Variants in MED13L observed in about 807,000 individuals in gnomAD.
The protein encoded by MED13L is mediator of RNA polymerase II transcription subunit 13-like.
A neutral mutation model predicts 220.9 loss-of-function variants in MED13L; 7 were observed. The observed-to-expected ratio is 0.03, with a 90% CI of 0.02 to 0.06. The LOEUF (loss-of-function observed/expected upper bound fraction) is 0.06, where lower values mean the gene tolerates loss of function less well. MED13L is among the 10% of genes least tolerant of loss of function. The pLI, the probability that MED13L is intolerant of heterozygous loss-of-function variation, is 1.00. For missense variants in MED13L, 1,965 were observed against 2,760.5 expected, an observed-to-expected ratio of 0.71 and a Z score of 6.46; for synonymous variants, 1,011 against 1,015.2, an observed-to-expected ratio of 1.00 and a Z score of 0.08.
chr12:116,070,342 G>A (rs1870270790), intron 4 of MED13L, among the ~76,000 whole-genome samples: 1 of 152,114 alleles, frequency 6.6e-6, no homozygotes, highest in African/African-American at 2.4e-5. Context: ...ATCTCTCAAG[G>A]TTGTTAGGAG....
intron 2 of MED13L, among the ~76,000 whole-genome samples, chr12:116,140,347 T>C (rs1377696081): frequency 6.6e-6 from 1 of 152,232 alleles, no homozygotes; most frequent in Non-Finnish European, 1.5e-5. Context: ...AAAATGTGTG[T>C]CCTGGGATAC....
At chr12:116,152,112 A>G (rs1878084573) in intron 2 of MED13L, among the ~76,000 whole-genome samples, 1 of 152,184 alleles carries the variant, frequency 6.6e-6, no homozygotes, top group African/African-American at 2.4e-5. Flanking sequence ...TGTTTCATAC[A>G]GGTTCTCTCT....
At chr12:116,065,395 TAA>T (rs1310884637) in intron 4 of MED13L, among the ~76,000 whole-genome samples, 4 of 151,960 alleles carry the variant, frequency 2.6e-5, no homozygotes, top group Non-Finnish European at 5.9e-5. Flanking sequence ...ATGGCAAAAA[TAA>T]AGAAAAGTAT....
In MED13L at chr12:115,960,500, T is replaced by C. The variant is rs1159470391; in HGVS notation, c.*766A>G. 1.3e-5 allele frequency: 2 copies of C among 152,538 alleles called. No homozygotes were observed. Among genetic ancestry groups the C allele is most frequent in the African/African-American group, 4.8e-5 (2 of 41,446 alleles). 9.4% of individuals were successfully genotyped at this position (152,538 alleles called of 1,614,324 possible). On this transcript the variant is annotated 3_prime_UTR_variant, in exon 31 of 31. Coordinates refer to ENST00000281928, the MANE Select transcript of MED13L (RefSeq NM_015335.5). ...GTTTTGAATATATTACTTTTAGGCA[T>C]GATCTCCCCAATGTGTTTTTACTCC...
intron 2 of MED13L, among the ~76,000 whole-genome samples, chr12:116,171,644 C>T (rs2138185103): frequency 6.6e-6 from 1 of 152,290 alleles, no homozygotes; most frequent in Middle Eastern, 3.4e-3. Flanking sequence ...GAGCACAACA[C>T]TCCAGATATC....
In MED13L at chr12:116,124,216, T is replaced by C. The variant is rs544476792; in HGVS notation, c.311-12704A>G. ...AGACTGACTGACTACTGTGAAGACT[T>C]GGTGCACAAAGGTTTCTTTAGACCA... On this transcript the variant is annotated intron_variant, in intron 2 of 30. Coordinates refer to ENST00000281928, the MANE Select transcript of MED13L (RefSeq NM_015335.5). Among the ~76,000 whole-genome samples, 398 of 139,962 alleles carry C rather than the reference T, an allele frequency of 2.8e-3. 2 individuals carry two copies. Among genetic ancestry groups the C allele is most frequent in the African/African-American group, 9.8e-3 (390 of 39,670 alleles). 91.8% of individuals were successfully genotyped at this position (139,962 alleles called of 152,430 possible). A position where few individuals can be genotyped will look rare whatever the true frequency, so the allele number is the denominator to read the frequency against.
Position 115,961,288 on chromosome 12 carries a change from T to A in MED13L, c.6611A>T (p.Asn2204Ile). ...CAATTAAAGTATATTCATGATGGCA[T>A]TGTACAACTGAGTGAGCACCACAAA... Reference protein sequence around the residue: ...VHFVVLTQLYNAIMNIL With the variant: ...VHFVVLTQLYIAIMNIL Residue 2204 changes from asparagine (N) to isoleucine (I), a missense_variant, in exon 31 of 31, where the codon AAT becomes ATT. Around this residue, in one of 10 missense-constraint regions of MED13L, gnomAD observed 145 missense variants for 328.3 expected, o/e 0.44. Coordinates refer to ENST00000281928, the MANE Select transcript of MED13L (RefSeq NM_015335.5). 1 of 1,614,166 alleles carries A rather than the reference T, an allele frequency of 6.2e-7. No homozygotes were observed. Among genetic ancestry groups the A allele is most frequent in the South Asian group, 1.1e-5 (1 of 91,074 alleles).
intron 3 of MED13L, among the ~76,000 whole-genome samples, chr12:116,097,514 G>A (rs1872720030): frequency 1.3e-5 from 2 of 151,970 alleles, no homozygotes; most frequent in African/African-American, 4.8e-5. Flanking sequence ...CATGTGATAG[G>A]CAATACTTTT....
intron 23 of MED13L, among the ~76,000 whole-genome samples, chr12:115,979,594 C>T (rs1450756840): frequency 6.6e-6 from 1 of 152,226 alleles, no homozygotes; most frequent in Non-Finnish European, 1.5e-5. Context: ...ACAGTGTTAA[C>T]TACTTGCATC....
rs1873967410 is a variant in MED13L, at chr12:116,277,372, A to ACCGCCT, written c.-247_-242dup. 1 of 5,388 alleles carries ACCGCCT rather than the reference A, an allele frequency of 1.9e-4. No individual in the cohort carries two copies. The highest frequency in any genetic ancestry group is 3.4e-4 in the Non-Finnish European group (1 of 2,960). The allele number at this position is 5,388 out of a possible 1,614,324, so 0.3% of individuals were successfully genotyped here. ...CCCGGGCCGGCGCTGCGGGCCGGCC[A>ACCGCCT]CCGCCTCCGCCTTCCCTGCTCCTCA... On this transcript the variant is annotated 5_prime_UTR_variant, in exon 1 of 31. Transcript: ENST00000281928.
At chr12:116,276,128 A>T (rs1022073984) in intron 1 of MED13L, among the ~76,000 whole-genome samples, 1 of 152,192 alleles carries the variant, frequency 6.6e-6, no homozygotes, top group African/African-American at 2.4e-5. Context: ...AATTTCGATG[A>T]ATCTAGACAC....
chr12:116,015,327 T>G, intron 7 of MED13L, 53 bp from the exon 8 acceptor site: 1 of 1,554,652 alleles, frequency 6.4e-7, no homozygotes, highest in South Asian at 1.1e-5. Flanking sequence ...GGTTTCCTAC[T>G]TCATAGACTG....
intron 2 of MED13L, among the ~76,000 whole-genome samples, chr12:116,168,331 C>CAA (rs79130692): frequency 8.3e-6 from 1 of 120,336 alleles, no homozygotes; most frequent in Non-Finnish European, 1.8e-5. Context: ...ATTTTTCTGG[C>CAA]AAAAAAAAAA....
intron 1 of MED13L, among the ~76,000 whole-genome samples, chr12:116,257,812 C>T (rs1162019710): frequency 6.6e-6 from 1 of 151,964 alleles, no homozygotes; most frequent in Non-Finnish European, 1.5e-5. Flanking sequence ...AACCTTGCCC[C>T]AGTCATCAAT....
At chr12:116,198,286 C>A (rs1881771513) in intron 2 of MED13L, among the ~76,000 whole-genome samples, 1 of 152,142 alleles carries the variant, frequency 6.6e-6, no homozygotes, top group Non-Finnish European at 1.5e-5. Flanking sequence ...CCTGCTGACA[C>A]AAAATTCTAT....
chr12:116,218,435 T>A (rs1475858885), intron 2 of MED13L, among the ~76,000 whole-genome samples: 1 of 152,150 alleles, frequency 6.6e-6, no homozygotes, highest in Non-Finnish European at 1.5e-5. Flanking sequence ...CCAGCCAACA[T>A]TTACAACAAA....
chr12:116,237,543 C>G lies in MED13L; in HGVS notation c.235G>C (p.Asp79His), dbSNP rs750733518. 3.1e-6 allele frequency: 5 copies of G among 1,614,206 alleles called. No homozygotes were observed. In the East Asian group the frequency reaches 8.9e-5, roughly 29 times the overall value. Reference protein sequence around the residue: ...LCVWRRDVKPDCKELWIFWWG... With the variant: ...LCVWRRDVKPHCKELWIFWWG... ...CAGAATATCCATAACTCTTTGCAAT[C>G]TGGTTTGACATCACGACGCCATACA... is the stretch of plus-strand genomic sequence containing the variant. Residue 79 changes from aspartate to histidine, a missense_variant, in exon 2 of 31, where the codon GAT (aspartate) becomes CAT (histidine). Transcript: ENST00000281928.
intron 4 of MED13L, among the ~76,000 whole-genome samples, chr12:116,030,756 A>G (rs1566019830): frequency 1.3e-5 from 2 of 152,178 alleles, no homozygotes; most frequent in Non-Finnish European, 2.9e-5. Flanking sequence ...TTTAACAATA[A>G]GAACACTATA....
Position 116,031,768 on chromosome 12 carries a change from G to A in MED13L, c.480-9167C>T, listed in dbSNP as rs1197031277. Among the ~76,000 whole-genome samples the A allele has an allele frequency of 5.9e-4, 78 of 132,554 alleles. 3 individuals carry two copies. Among genetic ancestry groups the A allele is most frequent in the African/African-American group, 1.6e-3 (58 of 36,268 alleles). 87.0% of individuals were successfully genotyped at this position (132,554 alleles called of 152,430 possible). A position where few individuals can be genotyped will look rare whatever the true frequency, so the allele number is the denominator to read the frequency against. ...AAGAAAAGAAAAGAAAAGAAGGAAGGAAGGAAGGAAGGAAGGAAGGAAGGA... is the reference window on the plus strand; with the variant it reads ...AAGAAAAGAAAAGAAAAGAAGGAAGAAAGGAAGGAAGGAAGGAAGGAAGGA... On this transcript the variant is annotated intron_variant, in intron 4 of 30. Transcript: ENST00000281928.
Sources: allele counts gnomAD v4.1 joint callset (sites outside exome capture counted in the v4.1 genomes callset), GRCh38; gene constraint gnomAD v4.1.1; regional missense constraint gnomAD v4.1.1; transcripts MANE v1.5; gene names NCBI Gene and HGNC (gene_info 2026-07-23, HGNC 2026-07-21).